The following TUSC3 variants were observed in gnomAD, a reference collection of about 807,000 sequenced individuals.
The protein encoded by TUSC3 is dolichyl-diphosphooligosaccharide--protein glycosyltransferase subunit TUSC3.
TUSC3 carries 45 observed loss-of-function variants against 44.8 expected under a neutral mutation model. That is an observed-to-expected ratio of 1.00 (90% CI 0.79 to 1.29). The LOEUF (loss-of-function observed/expected upper bound fraction) is 1.29, where lower values mean the gene tolerates loss of function less well. Ranked by LOEUF, TUSC3 falls within the 50% of genes most tolerant of loss-of-function variation. The pLI is 0.00. For synonymous variants in TUSC3, 212 were observed against 152.9 expected, an observed-to-expected ratio of 1.39 and a Z score of -2.85; for missense variants, 519 against 437.9, an observed-to-expected ratio of 1.19 and a Z score of -1.65.
intron 1 of TUSC3, among the ~76,000 whole-genome samples, chr8:15,603,793 T>A (rs896405150): frequency 6.6e-6 from 1 of 151,484 alleles, no homozygotes; most frequent in African/African-American, 2.4e-5. Flanking sequence ...TTCTATTTTT[T>A]TTTTGCCTCC....
At chr8:15,812,366 G>A in the TUSC3 span, among the ~76,000 whole-genome samples, 2 of 152,150 alleles carry the variant, frequency 1.3e-5, no homozygotes. Context: ...AAATATGAAA[G>A]TGCACATATT....
At chr8:15,817,722 A>G in the TUSC3 span, among the ~76,000 whole-genome samples, 4 of 152,190 alleles carry the variant, frequency 2.6e-5, no homozygotes, top group Non-Finnish European at 5.9e-5. Flanking sequence ...TGAGTCAATT[A>G]AACCCCTTTC....
At chr8:15,806,754 C>G in the TUSC3 span, 1 of 783,046 alleles carries the variant, frequency 1.3e-6, no homozygotes, top group East Asian at 2.5e-5. Context: ...TAAAGCATTA[C>G]AGAGCCACCT....
rs73665427 is a variant in TUSC3, at chr8:15,517,357, C to T, written n.189+33874C>T. Reference sequence around the variant, plus strand: ...TACCTCATCACGCTGAATTACACCCCGATCTTTGCTATTGTATTGCCAATC... The same window carrying T: ...TACCTCATCACGCTGAATTACACCCTGATCTTTGCTATTGTATTGCCAATC... On this transcript the variant is annotated intron_variant and non_coding_transcript_variant, in intron 2 of 5. Coordinates refer to the TUSC3 transcript ENST00000503191. 9.0e-3 allele frequency among the ~76,000 whole-genome samples: 1,369 copies of T among 151,962 alleles called. 22 individuals carry two copies. The highest frequency in any genetic ancestry group is 0.032 in the African/African-American group (1,313 of 41,436).
chr8:15,757,721 A>G, intron 9 of TUSC3, 70 bp from the exon 10 acceptor site: 1 of 1,471,150 alleles, frequency 6.8e-7, no homozygotes, highest in Admixed American at 1.7e-5. Context: ...ATAATATTGT[A>G]CAAATGGAAA....
the TUSC3 span, among the ~76,000 whole-genome samples, chr8:15,809,963 T>G: frequency 2.0e-5 from 3 of 152,200 alleles, no homozygotes; most frequent in Non-Finnish European, 4.4e-5. Flanking sequence ...AACCTCCTAG[T>G]TAAAATGCAA....
intron 5 of TUSC3, among the ~76,000 whole-genome samples, chr8:15,669,030 G>T (rs1807811057): frequency 6.6e-6 from 1 of 151,680 alleles, no homozygotes. Flanking sequence ...GGACCCACTG[G>T]ACTCTTATTG....
rs144317317 is a variant in TUSC3 at position 15,590,199 on chromosome 8, G to C, written c.139-32881G>C. On this transcript the variant is annotated intron_variant, in intron 1 of 10. Coordinates refer to ENST00000503731, the MANE Select transcript of TUSC3 (RefSeq NM_006765.4). The stretch of plus-strand genomic sequence containing the variant: ...CAGCCTGCTAATGCTTTACACAGGA[G>C]TTTCTGATTGGACTTTTCACTCTGC... Among the ~76,000 whole-genome samples the C allele has an allele frequency of 8.2e-3, 1,249 of 152,260 alleles. 11 individuals are homozygous for C. The highest frequency in any genetic ancestry group is 0.021 in the African/African-American group (872 of 41,542).
intron 6 of TUSC3, among the ~76,000 whole-genome samples, chr8:15,677,671 A>C (rs986158408): frequency 2.0e-5 from 3 of 152,232 alleles, no homozygotes; most frequent in African/African-American, 7.2e-5. Context: ...GGTAGATAGC[A>C]GTGCCATAAG....
intron 4 of TUSC3, among the ~76,000 whole-genome samples, chr8:15,660,447 C>G (rs1210490125): frequency 6.6e-6 from 1 of 151,848 alleles, no homozygotes; most frequent in African/African-American, 2.4e-5. Flanking sequence ...GGAAATGAAC[C>G]TAAATGGTGA....
At chr8:15,693,800 C>G (rs1176609562) in intron 6 of TUSC3, among the ~76,000 whole-genome samples, 1 of 152,058 alleles carries the variant, frequency 6.6e-6, no homozygotes, top group African/African-American at 2.4e-5. Context: ...ATTTGGTTCC[C>G]TTTACATAGT....
the TUSC3 span, among the ~76,000 whole-genome samples, chr8:15,808,084 T>G: frequency 6.6e-6 from 1 of 152,186 alleles, no homozygotes; most frequent in African/African-American, 2.4e-5. Context: ...ATATACTAGC[T>G]TTTGAACATA....
At chr8:15,561,313 C>G (rs925918770) in intron 1 of TUSC3, among the ~76,000 whole-genome samples, 1 of 147,924 alleles carries the variant, frequency 6.8e-6, no homozygotes, top group Non-Finnish European at 1.5e-5. Context: ...AGTTCGGCTG[C>G]TAGGAGGTCA....
At position 15,444,986 on chromosome 8, in the gene TUSC3, A is replaced by G. The variant is rs138189537; in HGVS notation, n.91+27681A>G. 2.6e-3 allele frequency among the ~76,000 whole-genome samples: 392 copies of G among 152,228 alleles called. 2 individuals are homozygous for G. In the East Asian group the frequency reaches 0.042, roughly 16 times the overall value. On this transcript the variant is annotated intron_variant and non_coding_transcript_variant, in intron 1 of 5. Transcript: ENST00000503191. ...AGGAGAAGGACAAGCTGGGAAACTCATTTTTCCTGTGCTATGTCAGTTTAG... is the reference window on the plus strand; with the variant it reads ...AGGAGAAGGACAAGCTGGGAAACTCGTTTTTCCTGTGCTATGTCAGTTTAG...
At chr8:15,847,721 T>A in the TUSC3 span, among the ~76,000 whole-genome samples, 145,698 of 152,260 alleles carry the variant, frequency 0.96, 69,752 homozygotes, top group African/African-American at 0.96. Context: ...GAGGCAGAGT[T>A]TATATACAAA....
chr8:15,780,681 C>T, the TUSC3 span, among the ~76,000 whole-genome samples: 1 of 152,114 alleles, frequency 6.6e-6, no homozygotes, highest in African/African-American at 2.4e-5. Context: ...GGCACTTTCT[C>T]ATCCCTCTTC....
chr8:15,772,096 A>C, the TUSC3 span, among the ~76,000 whole-genome samples: 7 of 152,062 alleles, frequency 4.6e-5, no homozygotes, highest in African/African-American at 1.7e-4. Context: ...CTCAAAAAGA[A>C]AAAAAAGAAA....
chr8:15,815,836 A>G, the TUSC3 span, among the ~76,000 whole-genome samples: 2 of 152,166 alleles, frequency 1.3e-5, no homozygotes, highest in African/African-American at 4.8e-5. Context: ...GCTACAAACT[A>G]CAGAATTGCA....
intron 2 of TUSC3, among the ~76,000 whole-genome samples, chr8:15,633,802 C>G (rs1585175316): frequency 6.6e-6 from 1 of 152,196 alleles, no homozygotes; most frequent in Admixed American, 6.5e-5. Context: ...TTTTAGACTT[C>G]TAGCCTCCAG....
Sources: allele counts gnomAD v4.1 joint callset (sites outside exome capture counted in the v4.1 genomes callset), GRCh38; gene constraint gnomAD v4.1.1; transcripts MANE v1.5; gene names NCBI Gene and HGNC (gene_info 2026-07-23, HGNC 2026-07-21).